Variants in LSM14A observed in about 807,000 individuals in gnomAD.
LSM14A encodes the protein protein LSM14 homolog A.
A neutral mutation model predicts 52.4 loss-of-function variants in LSM14A; 14 were observed. That is an observed-to-expected ratio of 0.27 (90% CI 0.18 to 0.42). The LOEUF is 0.42. Among genes scored for constraint, LSM14A ranks in the 10% least tolerant of loss-of-function variants. LSM14A has a pLI of 1.00. For synonymous variants in LSM14A, 185 were observed against 200.3 expected, an observed-to-expected ratio of 0.92 and a Z score of 0.64; for missense variants, 417 against 581.8, an observed-to-expected ratio of 0.72 and a Z score of 2.91.
At chr19:34,174,169 G>C (rs963090553) in intron 1 of LSM14A, among the ~76,000 whole-genome samples, 2 of 152,240 alleles carry the variant, frequency 1.3e-5, no homozygotes, top group South Asian at 4.1e-4. Context: ...GGCTGGTCTC[G>C]AACTCCTGAC....
chr19:34,207,184 A>T lies in LSM14A; in HGVS notation c.416-1745A>T, dbSNP rs186319062. ...AGTAGAGCGAGGGGGGTGTGGCACG[A>T]TCAGGAACTCACGGAAGAGATTTGC... On this transcript the variant is annotated intron_variant, in intron 3 of 9. Coordinates refer to ENST00000544216, the MANE Select transcript of LSM14A (RefSeq NM_015578.4). Among the ~76,000 whole-genome samples, 18 of 152,288 alleles carry T rather than the reference A, an allele frequency of 1.2e-4. No homozygotes were observed. The East Asian group carries it at 2.9e-3, about 24-fold the overall frequency.
intron 4 of LSM14A, among the ~76,000 whole-genome samples, chr19:34,211,164 G>T (rs1260630): frequency 6.6e-6 from 1 of 151,410 alleles, no homozygotes; most frequent in Admixed American, 6.6e-5. Context: ...AAAATTAGCC[G>T]GGCATGGTGG....
chr19:34,181,118 T>C (rs1373966187), intron 1 of LSM14A, among the ~76,000 whole-genome samples: 2 of 152,214 alleles, frequency 1.3e-5, no homozygotes, highest in East Asian at 3.8e-4. Flanking sequence ...TAAACTGTTC[T>C]TATTTCTGTC....
intron 1 of LSM14A, among the ~76,000 whole-genome samples, chr19:34,175,038 G>C (rs983291577): frequency 2.4e-4 from 36 of 152,070 alleles, no homozygotes; most frequent in African/African-American, 8.7e-4. Context: ...GCAGCTTTTA[G>C]AGTCAGTATT....
chr19:34,199,394 G>C (rs2071124354), intron 3 of LSM14A, among the ~76,000 whole-genome samples: 1 of 152,164 alleles, frequency 6.6e-6, no homozygotes, highest in Non-Finnish European at 1.5e-5. Flanking sequence ...GCCTCCAAAA[G>C]TGTTGGGATT....
intron 1 of LSM14A, among the ~76,000 whole-genome samples, chr19:34,192,962 G>C (rs2070560565): frequency 1.3e-5 from 2 of 151,844 alleles, no homozygotes. Context: ...TGGGGCAACA[G>C]AATGAAACTC....
chr19:34,203,217 G>T (rs1332863137), intron 3 of LSM14A, among the ~76,000 whole-genome samples: 1 of 152,140 alleles, frequency 6.6e-6, no homozygotes, highest in African/African-American at 2.4e-5. Context: ...GAAGAAACAT[G>T]GAGCAATTAG....
chr19:34,174,019 G>A (rs1487255204), intron 1 of LSM14A, among the ~76,000 whole-genome samples: 1 of 151,890 alleles, frequency 6.6e-6, no homozygotes, highest in Non-Finnish European at 1.5e-5. Flanking sequence ...CAATGATTTC[G>A]GCTCACTGCA....
chr19:34,224,092 G>A (rs2073211458), intron 9 of LSM14A, among the ~76,000 whole-genome samples: 1 of 152,170 alleles, frequency 6.6e-6, no homozygotes, highest in Admixed American at 6.5e-5. Flanking sequence ...ACTTTGGGAG[G>A]CTGAGGTGGG....
At chr19:34,220,676 T>TA (rs2073000255) in intron 8 of LSM14A, among the ~76,000 whole-genome samples, 1 of 152,220 alleles carries the variant, frequency 6.6e-6, no homozygotes, top group Non-Finnish European at 1.5e-5. Context: ...TGGCAGTTGT[T>TA]TGCTTCAATA....
chr19:34,205,652 A>G (rs569076885), intron 3 of LSM14A, among the ~76,000 whole-genome samples: 2 of 152,130 alleles, frequency 1.3e-5, no homozygotes, highest in African/African-American at 4.8e-5. Context: ...ACTGCCTTCT[A>G]GCCTGGGTGA....
chr19:34,183,997 C>G (rs796931258), intron 1 of LSM14A, among the ~76,000 whole-genome samples: 14 of 151,816 alleles, frequency 9.2e-5, no homozygotes, highest in African/African-American at 3.4e-4. Flanking sequence ...CAGTAGCTGC[C>G]TACGACCCCC....
At chr19:34,192,791 A>G (rs912487321) in intron 1 of LSM14A, among the ~76,000 whole-genome samples, 2 of 151,966 alleles carry the variant, frequency 1.3e-5, no homozygotes, top group Admixed American at 6.6e-5. Flanking sequence ...TCTGGCCAAC[A>G]TAGTGAAACC....
At chr19:34,192,433 C>T (rs1025084332) in intron 1 of LSM14A, among the ~76,000 whole-genome samples, 10 of 144,948 alleles carry the variant, frequency 6.9e-5, no homozygotes, top group Admixed American at 2.2e-4. Flanking sequence ...TCAGCCAATC[C>T]TCCCGCCTCA....
At chr19:34,223,211 G>C (rs1463314677) in intron 9 of LSM14A, among the ~76,000 whole-genome samples, 1 of 151,980 alleles carries the variant, frequency 6.6e-6, no homozygotes, top group African/African-American at 2.4e-5. Flanking sequence ...CTCCTATGTA[G>C]CTGGGACTAC....
At chr19:34,211,024 C>T (rs1394910096) in intron 4 of LSM14A, among the ~76,000 whole-genome samples, 1 of 151,638 alleles carries the variant, frequency 6.6e-6, no homozygotes, top group Non-Finnish European at 1.5e-5. Context: ...TAGTTCTGGC[C>T]GGGCACGATG....
Position 34,227,456 on chromosome 19 carries a change from C to G in LSM14A, c.*68C>G, listed in dbSNP as rs2073401310. ...CATGGTCCTGAACATTGATTTCAGT[C>G]TTTGCAAAGAATGAAGAAGTGAATT... On this transcript the variant is annotated 3_prime_UTR_variant, in exon 10 of 10. Coordinates refer to ENST00000544216, the MANE Select transcript of LSM14A (RefSeq NM_015578.4). 2 of 1,228,360 alleles carry G rather than the reference C, an allele frequency of 1.6e-6. No homozygotes were observed. The highest frequency in any genetic ancestry group is 5.0e-5 in the Admixed American group (2 of 39,674). 76.1% of individuals were successfully genotyped at this position (1,228,360 alleles called of 1,614,324 possible). A position where few individuals can be genotyped will look rare whatever the true frequency, so the allele number is the denominator to read the frequency against.
At chr19:34,185,154 A>G (rs1416521403) in intron 1 of LSM14A, among the ~76,000 whole-genome samples, 1 of 152,198 alleles carries the variant, frequency 6.6e-6, no homozygotes, top group Non-Finnish European at 1.5e-5. Context: ...TAACCTCTAG[A>G]GTTAAGTGCG....
At chr19:34,189,218 A>G (rs1043178109) in intron 1 of LSM14A, among the ~76,000 whole-genome samples, 1 of 152,318 alleles carries the variant, frequency 6.6e-6, no homozygotes, top group South Asian at 2.1e-4. Context: ...ACTACTTAAT[A>G]GTAGTAGTAT....
Sources: gnomAD v4.1 joint callset for allele counts (sites outside exome capture counted in the v4.1 genomes callset) on GRCh38, gnomAD v4.1.1 for gene constraint, MANE v1.5 for transcripts, NCBI Gene and HGNC (gene_info 2026-07-23, HGNC 2026-07-21) for gene names.